The following PAPSS2 variants were observed in gnomAD, a reference collection of about 807,000 sequenced individuals.
The protein encoded by PAPSS2 is bifunctional 3'-phosphoadenosine 5'-phosphosulfate synthase 2.
A neutral mutation model predicts 66.5 loss-of-function variants in PAPSS2; 61 were observed. The ratio of observed to expected loss-of-function variants is 0.92; its 90% CI spans 0.75 to 1.14. The LOEUF (loss-of-function observed/expected upper bound fraction) is 1.14, where lower values mean the gene tolerates loss of function less well. PAPSS2 is among the 50% of genes most tolerant of loss of function. The probability of loss-of-function intolerance (pLI) is 0.00; values close to 1 mark genes in which losing one functional copy is unlikely to be tolerated. For synonymous variants in PAPSS2, 289 were observed against 287.5 expected (o/e 1.01, Z -0.05); for missense variants, 708 against 789.6 (o/e 0.90, Z 1.24).
At chr10:87,719,608 A>G (rs974589812) in intron 7 of PAPSS2, among the ~76,000 whole-genome samples, 3 of 152,268 alleles carry the variant, frequency 2.0e-5, no homozygotes, top group Admixed American at 6.5e-5. Context: ...AAATACATAA[A>G]TAAAAGAACC....
intron 6 of PAPSS2, 86 bp downstream of exon 6, chr10:87,715,184 T>C (rs1853518036): frequency 2.6e-6 from 2 of 783,864 alleles, no homozygotes; most frequent in Non-Finnish European, 4.5e-6. Flanking sequence ...ATAAGAAAAG[T>C]ATAAATAAGG....
intron 1 of PAPSS2, among the ~76,000 whole-genome samples, chr10:87,694,484 G>A (rs1589427032): frequency 6.6e-6 from 1 of 152,226 alleles, no homozygotes; most frequent in Non-Finnish European, 1.5e-5. Context: ...TGGAGAACAG[G>A]TGGTATGTGG....
chr10:87,701,366 TTCTTTCTTTC>T, intron 1 of PAPSS2, among the ~76,000 whole-genome samples: 1 of 116,714 alleles, frequency 8.6e-6, no homozygotes, highest in South Asian at 3.1e-4. Flanking sequence ...CTTTCTTTCT[TTCTTTCTTTC>T]TTTCTTTCTT....
chr10:87,735,713 T>G (rs1466851337), intron 9 of PAPSS2, among the ~76,000 whole-genome samples: 1 of 152,216 alleles, frequency 6.6e-6, no homozygotes, highest in Non-Finnish European at 1.5e-5. Flanking sequence ...TTCTGTGCAA[T>G]GTAGGATATT....
At chr10:87,663,319 T>C (rs766268194) in intron 1 of PAPSS2, among the ~76,000 whole-genome samples, 5 of 151,606 alleles carry the variant, frequency 3.3e-5, no homozygotes, top group Non-Finnish European at 7.4e-5. Context: ...GCCACGTTGG[T>C]CAGGCTGGTC....
chr10:87,719,710 T>C (rs1037017158), intron 7 of PAPSS2, among the ~76,000 whole-genome samples: 5 of 152,162 alleles, frequency 3.3e-5, no homozygotes, highest in Non-Finnish European at 2.9e-5. Context: ...CCAACAGATA[T>C]ACACTGAGTG....
At chr10:87,667,146 C>T (rs1037664137) in intron 1 of PAPSS2, among the ~76,000 whole-genome samples, 1 of 152,146 alleles carries the variant, frequency 6.6e-6, no homozygotes, top group Non-Finnish European at 1.5e-5. Context: ...TTGATCACCA[C>T]ATTTTTGAAA....
chr10:87,711,715 A>C (rs1194410828), intron 2 of PAPSS2, among the ~76,000 whole-genome samples: 1 of 152,144 alleles, frequency 6.6e-6, no homozygotes, highest in African/African-American at 2.4e-5. Context: ...AAAAGTATGG[A>C]GACTATTCAC....
At chr10:87,701,375 TC>T (rs1564716790) in intron 1 of PAPSS2, among the ~76,000 whole-genome samples, 2 of 114,474 alleles carry the variant, frequency 1.7e-5, no homozygotes, top group Non-Finnish European at 3.3e-5. Flanking sequence ...TTTCTTTCTT[TC>T]TTTCTTTCTT....
chr10:87,666,778 C>T (rs1325503032), intron 1 of PAPSS2, among the ~76,000 whole-genome samples: 1 of 152,078 alleles, frequency 6.6e-6, no homozygotes, highest in East Asian at 1.9e-4. Context: ...TAGTTAAGGT[C>T]CTTGACATGT....
At chr10:87,699,192 ATACTT>A (rs1303253940) in intron 1 of PAPSS2, among the ~76,000 whole-genome samples, 5 of 152,218 alleles carry the variant, frequency 3.3e-5, no homozygotes, top group African/African-American at 1.2e-4. Context: ...GAAATGGACT[ATACTT>A]TAAAGATTAT....
intron 1 of PAPSS2, among the ~76,000 whole-genome samples, chr10:87,705,858 C>T (rs139080443): frequency 0.14 from 21,281 of 150,264 alleles, 1,556 homozygotes; most frequent in South Asian, 0.24. Flanking sequence ...CTCAGCCTCC[C>T]GAGTAGCTGG....
intron 1 of PAPSS2, among the ~76,000 whole-genome samples, chr10:87,691,886 G>C (rs1853175658): frequency 6.6e-6 from 1 of 152,116 alleles, no homozygotes. Flanking sequence ...AGTTCAGTGA[G>C]CCATGAACAT....
At chr10:87,697,010 TTC>T (rs1176643287) in intron 1 of PAPSS2, among the ~76,000 whole-genome samples, 1 of 152,214 alleles carries the variant, frequency 6.6e-6, no homozygotes, top group East Asian at 1.9e-4. Flanking sequence ...TTCTTTAGAT[TTC>T]CTTAATTTTC....
At chr10:87,737,518 A>G (rs1012911470) in intron 9 of PAPSS2, among the ~76,000 whole-genome samples, 3 of 152,112 alleles carry the variant, frequency 2.0e-5, no homozygotes, top group South Asian at 2.1e-4. Context: ...TGGAAACTCT[A>G]CACCCATTAA....
chr10:87,690,377 A>T (rs1053219000), intron 1 of PAPSS2, among the ~76,000 whole-genome samples: 1 of 152,214 alleles, frequency 6.6e-6, no homozygotes, highest in Non-Finnish European at 1.5e-5. Context: ...ATTTATGCAT[A>T]AAAAACTGAC....
intron 1 of PAPSS2, among the ~76,000 whole-genome samples, chr10:87,691,069 A>G (rs1038554954): frequency 1.3e-5 from 2 of 152,190 alleles, no homozygotes; most frequent in African/African-American, 4.8e-5. Context: ...TGTAGAGCTC[A>G]TCTTACAGTA....
At position 87,715,791 on chromosome 10, in the gene PAPSS2, C is replaced by A; in HGVS notation, c.813C>A (p.Phe271Leu). Residue 271 changes from phenylalanine (F) to leucine (L), a missense_variant, in exon 7 of 13, where the codon TTC (phenylalanine) becomes TTA (leucine). Transcript: ENST00000456849. ...SEGWATPLKG[F>L]MREKEYLQVM... ...GCTGGGCCACTCCCCTCAAAGGTTT[C>A]ATGCGGGAGAAGGAGTACTTACAGG... 1.2e-6 allele frequency: 2 copies of A among 1,613,690 alleles called. No individual in the cohort carries two copies.
chr10:87,678,793 G>A (rs1852981538), intron 1 of PAPSS2, among the ~76,000 whole-genome samples: 1 of 152,152 alleles, frequency 6.6e-6, no homozygotes, highest in African/African-American at 2.4e-5. Context: ...TAATACTGGT[G>A]AGGATGTGGA....
Sources: gnomAD v4.1 joint callset for allele counts (sites outside exome capture counted in the v4.1 genomes callset) on GRCh38, gnomAD v4.1.1 for gene constraint, MANE v1.5 for transcripts, NCBI Gene and HGNC (gene_info 2026-07-23, HGNC 2026-07-21) for gene names.